GPR158: variants seen among roughly 807,000 people sequenced by gnomAD.
The protein encoded by GPR158 is G protein-coupled receptor 158.
In GPR158, 30 loss-of-function variants were observed where a neutral mutation model predicts 78.2. The observed-to-expected ratio is 0.38, with a 90% CI of 0.29 to 0.52. The LOEUF (loss-of-function observed/expected upper bound fraction) is 0.52. Among genes scored for constraint, GPR158 ranks in the 20% least tolerant of loss-of-function variants. The pLI, the probability that GPR158 is intolerant of heterozygous loss-of-function variation, is 0.83. For synonymous variants in GPR158, 581 were observed against 591.1 expected, an observed-to-expected ratio of 0.98 and a Z score of 0.25; for missense variants, 1,463 against 1,523.5, an observed-to-expected ratio of 0.96 and a Z score of 0.66.
chr10:25,295,485 C>T (rs1477309903), intron 2 of GPR158, among the ~76,000 whole-genome samples: 2 of 151,992 alleles, frequency 1.3e-5, no homozygotes, highest in African/African-American at 4.8e-5. Context: ...GGGATCTCGG[C>T]TCACTGCAAG....
At chr10:25,595,534 T>A (rs963933876) in intron 9 of GPR158, among the ~76,000 whole-genome samples, 1 of 152,184 alleles carries the variant, frequency 6.6e-6, no homozygotes, top group Non-Finnish European at 1.5e-5. Flanking sequence ...ATAAACAACA[T>A]GTGGTATATC....
intron 3 of GPR158, among the ~76,000 whole-genome samples, chr10:25,399,186 C>G (rs1480071629): frequency 6.6e-6 from 1 of 152,092 alleles, no homozygotes; most frequent in East Asian, 1.9e-4. Context: ...ATAAAACCAT[C>G]AGATGTCATG....
intron 4 of GPR158, among the ~76,000 whole-genome samples, chr10:25,439,073 A>G (rs1835034630): frequency 6.6e-6 from 1 of 152,184 alleles, no homozygotes; most frequent in Non-Finnish European, 1.5e-5. Flanking sequence ...GGCCTGAAAT[A>G]TTTGCTCTCT....
At chr10:25,337,904 T>A (rs955154434) in intron 2 of GPR158, among the ~76,000 whole-genome samples, 6 of 152,162 alleles carry the variant, frequency 3.9e-5, no homozygotes, top group Admixed American at 3.3e-4. Context: ...CCATTTTATA[T>A]GTTTACTGGT....
At chr10:25,324,829 TTC>T (rs1415898654) in intron 2 of GPR158, among the ~76,000 whole-genome samples, 6 of 118,772 alleles carry the variant, frequency 5.1e-5, no homozygotes, top group African/African-American at 2.3e-4. Context: ...TCTTTTTTCT[TTC>T]TTTTTTTTTT....
intron 3 of GPR158, among the ~76,000 whole-genome samples, chr10:25,407,669 T>G (rs1214078612): frequency 6.6e-6 from 1 of 152,176 alleles, no homozygotes; most frequent in African/African-American, 2.4e-5. Context: ...ACAGTCTTGA[T>G]GCTTTTCTTT....
intron 2 of GPR158, among the ~76,000 whole-genome samples, chr10:25,387,299 A>C (rs914245509): frequency 1.3e-5 from 2 of 152,114 alleles, no homozygotes; most frequent in Admixed American, 1.3e-4. Context: ...GTGTTTAACT[A>C]TCCTTGAATT....
At chr10:25,515,349 G>A (rs1452791318) in intron 5 of GPR158, among the ~76,000 whole-genome samples, 2 of 150,938 alleles carry the variant, frequency 1.3e-5, no homozygotes, top group Admixed American at 6.6e-5. Flanking sequence ...AATTGTGATT[G>A]TTTTTAATTT....
At chr10:25,581,758 A>T (rs1033262734) in intron 7 of GPR158, among the ~76,000 whole-genome samples, 1 of 152,172 alleles carries the variant, frequency 6.6e-6, no homozygotes, top group Non-Finnish European at 1.5e-5. Context: ...AAAGATCAAA[A>T]ATCAGACACT....
At chr10:25,471,338 T>A (rs1158074417) in intron 5 of GPR158, among the ~76,000 whole-genome samples, 1 of 152,222 alleles carries the variant, frequency 6.6e-6, no homozygotes, top group Admixed American at 6.5e-5. Flanking sequence ...TGTGCCACAT[T>A]TTCTTAATCC....
intron 1 of GPR158, among the ~76,000 whole-genome samples, chr10:25,205,274 CTTT>C (rs59202198): frequency 9.3e-5 from 12 of 128,348 alleles, no homozygotes; most frequent in African/African-American, 3.1e-4. Context: ...TGGATCTTCT[CTTT>C]TTTTTTTTTT....
intron 2 of GPR158, among the ~76,000 whole-genome samples, chr10:25,284,768 A>G (rs2130757768): frequency 6.6e-6 from 1 of 151,348 alleles, no homozygotes; most frequent in East Asian, 1.9e-4. Flanking sequence ...TTTTATTTAT[A>G]CTCCATTCTT....
At chr10:25,443,239 C>T (rs1835091928) in intron 4 of GPR158, among the ~76,000 whole-genome samples, 1 of 152,224 alleles carries the variant, frequency 6.6e-6, no homozygotes, top group South Asian at 2.1e-4. Flanking sequence ...GCAGGTACTG[C>T]CATGCTTGGC....
intron 4 of GPR158, among the ~76,000 whole-genome samples, chr10:25,435,500 T>C (rs1233354119): frequency 6.6e-6 from 1 of 151,990 alleles, no homozygotes; most frequent in Non-Finnish European, 1.5e-5. Flanking sequence ...GGCACCCAAG[T>C]GTGAAGCAGC....
intron 2 of GPR158, among the ~76,000 whole-genome samples, chr10:25,245,948 A>G (rs1348847682): frequency 6.6e-6 from 1 of 152,204 alleles, no homozygotes; most frequent in South Asian, 2.1e-4. Flanking sequence ...ACTAATTTGA[A>G]TCTTTGCTAT....
rs933549192 is a variant in GPR158 at position 25,542,846 on chromosome 10, C to A, written c.1405-8130C>A. The stretch of plus-strand genomic sequence containing the variant: ...CTCAAAAAAAAAAAAAAAAAAAGTT[C>A]TATTTCTAAGTTGAGCATATTTGAG... On this transcript the variant is annotated intron_variant, in intron 5 of 10. Transcript: ENST00000376351. 1.8e-4 allele frequency among the ~76,000 whole-genome samples: 23 copies of A among 128,554 alleles called. No homozygotes were observed. The East Asian group carries it at 3.0e-3, about 17-fold the overall frequency. 84.3% of individuals were successfully genotyped at this position (128,554 alleles called of 152,430 possible). A position where few individuals can be genotyped will look rare whatever the true frequency, so the allele number is the denominator to read the frequency against.
Position 25,225,183 on chromosome 10 carries a change from C to CTTTTTTTTTTTTTTTTTTTTTT in GPR158, c.1008+4041_1008+4042insTTTTTTTTTTTTTTTTTTTTTT, listed in dbSNP as rs60603738. ...AGATCAGCAGATTTGGAACATTTGC[C>CTTTTTTTTTTTTTTTTTTTTTT]TTTTTTTTTTTTTTTGTATAAAGCA... On this transcript the variant is annotated intron_variant, in intron 2 of 10. Coordinates refer to ENST00000376351, the MANE Select transcript of GPR158 (RefSeq NM_020752.3). Among the ~76,000 whole-genome samples, 3 of 134,766 alleles carry CTTTTTTTTTTTTTTTTTTTTTT rather than the reference C, an allele frequency of 2.2e-5. 1 individual carries two copies. Among genetic ancestry groups the CTTTTTTTTTTTTTTTTTTTTTT allele is most frequent in the African/African-American group, 8.5e-5 (3 of 35,436 alleles). 88.4% of individuals were successfully genotyped at this position (134,766 alleles called of 152,430 possible). A position where few individuals can be genotyped will look rare whatever the true frequency, so the allele number is the denominator to read the frequency against.
chr10:25,197,430 A>T (rs1259075593), intron 1 of GPR158, among the ~76,000 whole-genome samples: 1 of 152,206 alleles, frequency 6.6e-6, no homozygotes, highest in Non-Finnish European at 1.5e-5. Context: ...AAAAAATCTA[A>T]AATTTAAAAG....
At chr10:25,449,634 A>G (rs1835187591) in intron 4 of GPR158, among the ~76,000 whole-genome samples, 1 of 152,220 alleles carries the variant, frequency 6.6e-6, no homozygotes, top group Non-Finnish European at 1.5e-5. Context: ...AGGAAATAAA[A>G]TAGGAGGAAA....
Sources: gnomAD v4.1 joint callset for allele counts (sites outside exome capture counted in the v4.1 genomes callset) on GRCh38, gnomAD v4.1.1 for gene constraint, MANE v1.5 for transcripts, NCBI Gene and HGNC (gene_info 2026-07-23, HGNC 2026-07-21) for gene names.